KCNS3: variants seen among roughly 807,000 people sequenced by gnomAD.
KCNS3 encodes potassium voltage-gated channel modifier subfamily S member 3.
A neutral mutation model predicts 31.0 loss-of-function variants in KCNS3; 13 were observed. The ratio of observed to expected loss-of-function variants is 0.42; its 90% CI spans 0.27 to 0.67. The LOEUF (loss-of-function observed/expected upper bound fraction) is 0.67, where lower values mean the gene tolerates loss of function less well. Ranked by LOEUF, KCNS3 falls within the 30% of genes least tolerant of loss-of-function variation. KCNS3 has a pLI of 0.25. For missense variants in KCNS3, 545 were observed against 622.4 expected, an observed-to-expected ratio of 0.88 and a Z score of 1.32; for synonymous variants, 238 against 241.5, an observed-to-expected ratio of 0.99 and a Z score of 0.13.
At chr2:17,913,163 A>G (rs1356780188) in intron 1 of KCNS3, among the ~76,000 whole-genome samples, 7 of 152,228 alleles carry the variant, frequency 4.6e-5, no homozygotes, top group Non-Finnish European at 2.9e-5. Flanking sequence ...ACAGTTTTCA[A>G]TAGTTAAGCC....
chr2:17,923,628 G>A lies in KCNS3; in HGVS notation c.-60+5757G>A, dbSNP rs1249247095. 5.3e-5 allele frequency among the ~76,000 whole-genome samples: 8 copies of A among 151,854 alleles called. No homozygotes were observed. The East Asian group carries it at 7.8e-4, about 15-fold the overall frequency. ...TAACACCTACATTCAGGCCTTTGATGTATTTAAAGTTAATTTTTGTATATA... is the reference window on the plus strand; with the variant it reads ...TAACACCTACATTCAGGCCTTTGATATATTTAAAGTTAATTTTTGTATATA... On this transcript the variant is annotated intron_variant, in intron 2 of 2. Transcript: ENST00000304101.
At chr2:17,878,655 G>GGACCGACGGACAGACC (rs1674564106), upstream of KCNS3, 1 of 149,262 alleles carries the variant, frequency 6.7e-6, no homozygotes, top group Non-Finnish European at 1.5e-5. Context: ...TAGCGGGGCG[G>GGACCGACGGACAGACC]GACCGACGGA....
At chr2:17,890,399 ATTTTTTT>A (rs55788100) in intron 1 of KCNS3, among the ~76,000 whole-genome samples, 49,772 of 148,878 alleles carry the variant, frequency 0.33, 8,839 homozygotes, top group East Asian at 0.58. Context: ...TATCTTTTGT[ATTTTTTT>A]TTTTTTGTTT....
intron 1 of KCNS3, among the ~76,000 whole-genome samples, chr2:17,893,880 C>T (rs1199981022): frequency 6.6e-6 from 1 of 151,028 alleles, no homozygotes; most frequent in Non-Finnish European, 1.5e-5. Flanking sequence ...CAATGCGAGC[C>T]TCCACATGCC....
intron 1 of KCNS3, among the ~76,000 whole-genome samples, chr2:17,898,913 G>A (rs985259282): frequency 6.6e-6 from 1 of 152,090 alleles, no homozygotes; most frequent in Non-Finnish European, 1.5e-5. Context: ...GGCACTCAGG[G>A]CTCTGGCAAT....
chr2:17,914,702 T>C (rs1287329392), intron 1 of KCNS3, among the ~76,000 whole-genome samples: 4 of 152,226 alleles, frequency 2.6e-5, no homozygotes, highest in Admixed American at 2.0e-4. Context: ...ACACTGTCCC[T>C]AACTGGAGGC....
chr2:17,901,564 G>A (rs965149047), intron 1 of KCNS3, among the ~76,000 whole-genome samples: 20 of 152,204 alleles, frequency 1.3e-4, no homozygotes, highest in African/African-American at 4.6e-4. Context: ...AGGCAGCTCT[G>A]TGAGTCTGGA....
intron 1 of KCNS3, among the ~76,000 whole-genome samples, chr2:17,894,331 A>G (rs75237251): frequency 0.028 from 4,295 of 152,196 alleles, 109 homozygotes; most frequent in African/African-American, 0.072. Context: ...GGGGCCACAC[A>G]CTTGCACCAC....
At position 17,884,927 on chromosome 2, in the gene KCNS3, C is replaced by CTGT. The variant is rs772504185; in HGVS notation, c.-252+6126_-252+6128dup. ...AACTGAGCATATTGCTTGTCCTTCC[C>CTGT]TGTTGTTTTTTTTTTTTTTTTTTCC... On this transcript the variant is annotated intron_variant, in intron 1 of 2. Coordinates refer to ENST00000304101, the MANE Select transcript of KCNS3 (RefSeq NM_002252.5). Among the ~76,000 whole-genome samples the CTGT allele has an allele frequency of 5.0e-5, 5 of 101,006 alleles. 1 individual carries two copies. Among genetic ancestry groups the CTGT allele is most frequent in the Non-Finnish European group, 7.6e-5 (4 of 52,808 alleles). 66.3% of individuals were successfully genotyped at this position (101,006 alleles called of 152,430 possible). A position where few individuals can be genotyped will look rare whatever the true frequency, so the allele number is the denominator to read the frequency against.
At chr2:17,904,714 G>T (rs1037900994) in intron 1 of KCNS3, among the ~76,000 whole-genome samples, 1 of 152,160 alleles carries the variant, frequency 6.6e-6, no homozygotes, top group Non-Finnish European at 1.5e-5. Flanking sequence ...TATTAAATAG[G>T]GAATCCTTTC....
At chr2:17,918,509 A>G (rs1161343335) in intron 2 of KCNS3, among the ~76,000 whole-genome samples, 1 of 152,134 alleles carries the variant, frequency 6.6e-6, no homozygotes, top group African/African-American at 2.4e-5. Context: ...ATCCCCAACC[A>G]TCTCATTTGT....
intron 1 of KCNS3, among the ~76,000 whole-genome samples, chr2:17,879,069 T>C (rs1674578340): frequency 6.6e-6 from 1 of 152,140 alleles, no homozygotes; most frequent in South Asian, 2.1e-4. Context: ...CTGCGGGCTG[T>C]TGAAGCGGTG....
intron 2 of KCNS3, among the ~76,000 whole-genome samples, chr2:17,930,240 G>T (rs1466835469): frequency 6.6e-6 from 1 of 152,118 alleles, no homozygotes; most frequent in East Asian, 1.9e-4. Flanking sequence ...CCATAAAGAG[G>T]TTTTCCCAAG....
At position 17,905,386 on chromosome 2, in the gene KCNS3, T is replaced by C. The variant is rs1662289883; in HGVS notation, c.-251-12294T>C. Among the ~76,000 whole-genome samples, 4 of 152,352 alleles carry C rather than the reference T, an allele frequency of 2.6e-5. No individual in the cohort carries two copies. The South Asian group carries it at 8.3e-4, about 32-fold the overall frequency. On this transcript the variant is annotated intron_variant, in intron 1 of 2. Transcript: ENST00000304101. ...CTGAGATGATGGGGTTTTCTAAATA[T>C]ACAATCATGTCATCTGCAAACAGGG...
Position 17,906,824 on chromosome 2 carries a change from CTGTT to C in KCNS3, c.-251-10851_-251-10848del, listed in dbSNP as rs552083099. Among the ~76,000 whole-genome samples, 116 of 152,262 alleles carry C rather than the reference CTGTT, an allele frequency of 7.6e-4. 1 individual carries two copies. The South Asian group carries it at 0.024, about 31-fold the overall frequency. On this transcript the variant is annotated intron_variant, in intron 1 of 2. Coordinates refer to ENST00000304101, the MANE Select transcript of KCNS3 (RefSeq NM_002252.5). The stretch of plus-strand genomic sequence containing the variant: ...TTTGATTGCACTGTGGTCTGAGAGA[CTGTT>C]TGTTATAATTTCTGTTCTCTTACAT...
intron 1 of KCNS3, among the ~76,000 whole-genome samples, chr2:17,890,777 G>A (rs1411997147): frequency 6.6e-6 from 1 of 152,134 alleles, no homozygotes; most frequent in Non-Finnish European, 1.5e-5. Flanking sequence ...TAATTCCACT[G>A]TGGTTTGAGA....
intron 2 of KCNS3, among the ~76,000 whole-genome samples, chr2:17,922,058 G>C (rs1439518414): frequency 2.0e-5 from 3 of 150,108 alleles, no homozygotes; most frequent in Non-Finnish European, 4.4e-5. Flanking sequence ...TTTGATCTGT[G>C]TCATTTGTCC....
intron 2 of KCNS3, among the ~76,000 whole-genome samples, chr2:17,927,192 C>G (rs1323254267): frequency 6.6e-6 from 1 of 152,184 alleles, no homozygotes; most frequent in East Asian, 1.9e-4. Context: ...GTGTTTGTTC[C>G]AGGTCCCAAT....
At chr2:17,890,061 G>A (rs1572480281) in intron 1 of KCNS3, among the ~76,000 whole-genome samples, 1 of 151,886 alleles carries the variant, frequency 6.6e-6, no homozygotes, top group Non-Finnish European at 1.5e-5. Flanking sequence ...GTCCTGGACT[G>A]TTTTTTTGGC....
Sources: allele counts gnomAD v4.1 joint callset (sites outside exome capture counted in the v4.1 genomes callset), GRCh38; gene constraint gnomAD v4.1.1; transcripts MANE v1.5; gene names NCBI Gene and HGNC (gene_info 2026-07-23, HGNC 2026-07-21).